Variants in USP28 observed in about 807,000 individuals in gnomAD.
The protein encoded by USP28 is ubiquitin specific peptidase 28, also known as ubiquitin carboxyl-terminal hydrolase 28.
A neutral mutation model predicts 145.0 loss-of-function variants in USP28; 113 were observed. That is an observed-to-expected ratio of 0.78 (90% CI 0.67 to 0.91). The LOEUF is 0.91. Among genes scored for constraint, USP28 ranks in the 40% least tolerant of loss-of-function variants. The pLI is 0.00. For missense variants in USP28, 1,201 were observed against 1,289.6 expected (o/e 0.93, Z 1.05); for synonymous variants, 447 against 450.9 (o/e 0.99, Z 0.11).
chr11:113,805,002 C>A, exon 20 of USP28: 1 of 1,614,062 alleles, frequency 6.2e-7, no homozygotes, highest in South Asian at 1.1e-5. Flanking sequence ...AGGTGGGGGT[C>A]TCTTTGGCAA....
chr11:113,853,319 A>G (rs1490596634), intron 2 of USP28, among the ~76,000 whole-genome samples: 1 of 151,322 alleles, frequency 6.6e-6, no homozygotes, highest in African/African-American at 2.4e-5. Context: ...AAAAAAAAAA[A>G]AAAAAAAAAG....
At chr11:113,815,490 G>A (rs1038994705) in intron 13 of USP28, 108 bp from the exon 14 acceptor site, 32 of 1,007,164 alleles carry the variant, frequency 3.2e-5, no homozygotes, top group Non-Finnish European at 4.4e-5. Context: ...CAGGTATTCA[G>A]TGAGCATTAA....
exon 16 of USP28, chr11:113,812,365 T>C: frequency 6.2e-7 from 1 of 1,614,110 alleles, no homozygotes; most frequent in Non-Finnish European, 8.5e-7. Context: ...TCTTTCAACT[T>C]CTTCCCAGGA....
chr11:113,827,235 G>A, exon 11 of USP28: 2 of 1,603,590 alleles, frequency 1.2e-6, no homozygotes, highest in Non-Finnish European at 8.5e-7. Flanking sequence ...GAACTCACCT[G>A]TCCATATAAA....
chr11:113,875,311 T>C (rs1949264561), intron 1 of USP28, 134 bp downstream of exon 1: 1 of 666,808 alleles, frequency 1.5e-6, no homozygotes, highest in Non-Finnish European at 2.0e-6. Context: ...TCACCCACGC[T>C]GGCGGGCGCA....
chr11:113,853,878 C>CAAAAAAAAAAAAA (rs57739058), intron 2 of USP28, among the ~76,000 whole-genome samples: 8,382 of 120,506 alleles, frequency 0.07, 570 homozygotes, highest in Non-Finnish European at 0.078. Flanking sequence ...GACTCCATCT[C>CAAAAAAAAAAAAA]AAAAAAAAAA....
rs911355904 is a variant in USP28, at chr11:113,823,471, C to A, written c.1283+134G>T. ...TCCTGAAGACTGCTTCACACTTAGA[C>A]AAAAAATTTTCTTAGCTGTTTTATA... On this transcript the variant is annotated intron_variant, in intron 12 of 24. Transcript: ENST00000003302. The A allele has an allele frequency of 5.6e-6, 4 of 716,436 alleles. No individual in the cohort carries two copies. The African/African-American group carries it at 7.2e-5, about 13-fold the overall frequency. 44.4% of individuals were successfully genotyped at this position (716,436 alleles called of 1,614,324 possible). A position where few individuals can be genotyped will look rare whatever the true frequency, so the allele number is the denominator to read the frequency against.
At chr11:113,836,901 T>A (rs1389877743) in intron 5 of USP28, among the ~76,000 whole-genome samples, 1 of 152,174 alleles carries the variant, frequency 6.6e-6, no homozygotes, top group Non-Finnish European at 1.5e-5. Context: ...CTCCAGCACG[T>A]TCCCTGAACA....
At chr11:113,812,202 C>T (rs1395483954) in intron 16 of USP28, 74 bp downstream of exon 16, 4 of 1,013,976 alleles carry the variant, frequency 3.9e-6, no homozygotes, top group Non-Finnish European at 5.7e-6. Flanking sequence ...TTTTAAAAAG[C>T]AGTACAAGAC....
intron 24 of USP28, 71 bp from the exon 26 acceptor site, chr11:113,799,486 A>T: frequency 6.6e-7 from 1 of 1,517,744 alleles, no homozygotes; most frequent in South Asian, 1.3e-5. Flanking sequence ...CAAGCCTTCT[A>T]TTAGCCCCTT....
At chr11:113,805,159 T>C (rs570564296) in intron 19 of USP28, 113 bp from the exon 21 acceptor site, 6 of 944,312 alleles carry the variant, frequency 6.4e-6, no homozygotes, top group South Asian at 2.4e-5. Flanking sequence ...TTCTAAAAAA[T>C]TCATATCGAA....
chr11:113,801,252 G>A (rs1269962146), intron 24 of USP28, among the ~76,000 whole-genome samples: 1 of 152,186 alleles, frequency 6.6e-6, no homozygotes, highest in East Asian at 1.9e-4. Flanking sequence ...AGGCTTGTTG[G>A]TTGCCCATGG....
chr11:113,853,301 CAAAAAAAAAA>C (rs35806711), intron 2 of USP28, among the ~76,000 whole-genome samples: 2 of 54,946 alleles, frequency 3.6e-5, no homozygotes, highest in African/African-American at 7.6e-5. Flanking sequence ...TCTCCTGTCT[CAAAAAAAAAA>C]AAAAAAAAAA....
At chr11:113,871,699 G>A (rs771678751) in intron 1 of USP28, among the ~76,000 whole-genome samples, 4 of 152,216 alleles carry the variant, frequency 2.6e-5, no homozygotes, top group Non-Finnish European at 4.4e-5. Context: ...CGTAGGGAGA[G>A]GGGGACAAAA....
chr11:113,832,694 T>C (rs533874923), intron 7 of USP28, among the ~76,000 whole-genome samples: 2 of 152,266 alleles, frequency 1.3e-5, no homozygotes, highest in African/African-American at 2.4e-5. Flanking sequence ...TGTAGAACTG[T>C]AGGACCTTCA....
chr11:113,814,828 C>G (rs1941477779), intron 14 of USP28, among the ~76,000 whole-genome samples: 1 of 151,626 alleles, frequency 6.6e-6, no homozygotes, highest in Non-Finnish European at 1.5e-5. Context: ...GCAGGCAGAT[C>G]AGTTTTGGTC....
chr11:113,862,969 A>C (rs1039164066), intron 1 of USP28, among the ~76,000 whole-genome samples: 3 of 152,238 alleles, frequency 2.0e-5, no homozygotes, highest in African/African-American at 7.2e-5. Context: ...TTACCCCTAA[A>C]ATCAGGAACA....
At chr11:113,854,869 C>CATA (rs1946875443) in intron 1 of USP28, among the ~76,000 whole-genome samples, 1 of 152,186 alleles carries the variant, frequency 6.6e-6, no homozygotes, top group Admixed American at 6.5e-5. Flanking sequence ...ATATATAAAA[C>CATA]ATTTAAATGT....
At chr11:113,803,060 G>A (rs1391986099) in intron 23 of USP28, 98 bp downstream of exon 24, 4 of 1,341,370 alleles carry the variant, frequency 3.0e-6, no homozygotes, top group East Asian at 2.6e-5. Context: ...TCTACAACCT[G>A]TTGGAGATAG....
Sources: gnomAD v4.1 joint callset for allele counts (sites outside exome capture counted in the v4.1 genomes callset) on GRCh38, gnomAD v4.1.1 for gene constraint, MANE v1.5 for transcripts, NCBI Gene and HGNC (gene_info 2026-07-23, HGNC 2026-07-21) for gene names.